ELAPOR2: variants seen among roughly 807,000 people sequenced by gnomAD.
ELAPOR2 encodes the protein endosome-lysosome associated apoptosis and autophagy regulator family member 2.
A neutral mutation model predicts 120.7 loss-of-function variants in ELAPOR2; 89 were observed. The ratio of observed to expected loss-of-function variants is 0.74; its 90% CI spans 0.62 to 0.88. The LOEUF is 0.88. ELAPOR2 is among the 40% of genes least tolerant of loss of function. The probability of loss-of-function intolerance (pLI) is 0.00; values close to 1 mark genes in which losing one functional copy is unlikely to be tolerated. For synonymous variants in ELAPOR2, 444 were observed against 444.9 expected (o/e 1.00, Z 0.03); for missense variants, 1,134 against 1,251.6 (o/e 0.91, Z 1.42).
chr7:86,909,676 T>A, intron 16 of ELAPOR2, 136 bp downstream of exon 16: 1 of 714,500 alleles, frequency 1.4e-6, no homozygotes, highest in Non-Finnish European at 2.2e-6. Context: ...TTTTTAACCA[T>A]CTTACAAAGT....
chr7:86,967,788 C>A (rs1021443835), intron 1 of ELAPOR2, among the ~76,000 whole-genome samples: 2 of 152,200 alleles, frequency 1.3e-5, no homozygotes, highest in Non-Finnish European at 2.9e-5. Context: ...TCTGCCTTCT[C>A]TAGATTACTC....
chr7:87,010,075 G>T (rs1793606231), intron 1 of ELAPOR2, among the ~76,000 whole-genome samples: 1 of 152,134 alleles, frequency 6.6e-6, no homozygotes, highest in Non-Finnish European at 1.5e-5. Flanking sequence ...TAAAATCTGT[G>T]CCTGTGGCTA....
intron 8 of ELAPOR2, among the ~76,000 whole-genome samples, chr7:86,933,116 T>C (rs1790403095): frequency 6.6e-6 from 1 of 151,682 alleles, no homozygotes; most frequent in Non-Finnish European, 1.5e-5. Context: ...CAAATATGTA[T>C]ATAAATATAT....
At chr7:86,911,344 A>C (rs1015651416) in intron 15 of ELAPOR2, among the ~76,000 whole-genome samples, 2 of 152,110 alleles carry the variant, frequency 1.3e-5, no homozygotes, top group African/African-American at 4.8e-5. Context: ...TGGTCATCAG[A>C]TCTCTTTTTG....
intron 1 of ELAPOR2, among the ~76,000 whole-genome samples, chr7:86,991,141 C>A (rs1309734825): frequency 6.6e-6 from 1 of 152,154 alleles, no homozygotes; most frequent in Admixed American, 6.5e-5. Flanking sequence ...ATGAGCACTA[C>A]AGGTAAGATA....
intron 21 of ELAPOR2, among the ~76,000 whole-genome samples, chr7:86,885,631 G>A (rs1799653474): frequency 6.6e-6 from 1 of 152,130 alleles, no homozygotes; most frequent in African/African-American, 2.4e-5. Context: ...AAAACCTGGA[G>A]AGGGTTTCTT....
intron 15 of ELAPOR2, chr7:86,911,813 G>T (rs565176686): frequency 1.8e-4 from 105 of 570,286 alleles, no homozygotes; most frequent in East Asian, 5.6e-4. Context: ...CATCCTCAAA[G>T]CACTTACACC....
intron 1 of ELAPOR2, among the ~76,000 whole-genome samples, chr7:86,974,851 C>T (rs1415827219): frequency 6.6e-6 from 1 of 152,026 alleles, no homozygotes; most frequent in Non-Finnish European, 1.5e-5. Flanking sequence ...CAAATGGTAC[C>T]ACTGAAGGAT....
intron 1 of ELAPOR2, among the ~76,000 whole-genome samples, chr7:86,999,204 G>A (rs1177864744): frequency 6.6e-6 from 1 of 152,056 alleles, no homozygotes; most frequent in East Asian, 1.9e-4. Context: ...GCATTTTCTA[G>A]TGGGCTACAT....
intron 18 of ELAPOR2, 97 bp from the exon 19 acceptor site, chr7:86,897,729 G>C: frequency 7.2e-7 from 1 of 1,388,306 alleles, no homozygotes; most frequent in Non-Finnish European, 9.9e-7. Flanking sequence ...ACATGCTGGG[G>C]AGCACTGTGT....
chr7:86,981,968 T>C (rs1054663638), intron 1 of ELAPOR2, among the ~76,000 whole-genome samples: 5 of 152,224 alleles, frequency 3.3e-5, no homozygotes, highest in African/African-American at 1.2e-4. Flanking sequence ...ATACTGCGCT[T>C]TCCCAATGGT....
chr7:87,052,836 AC>A lies in ELAPOR2; in HGVS notation c.189+6488del. ...GTTTGAGACAGGGTCTTGCTCTGTC[AC>A]CCAGACTGGAGTGCAGTGGCACAAT... is the stretch of plus-strand genomic sequence containing the variant. On this transcript the variant is annotated intron_variant, in intron 1 of 21. Transcript: ENST00000450689. Among the ~76,000 whole-genome samples the A allele has an allele frequency of 2.0e-5, 3 of 150,002 alleles. No individual in the cohort carries two copies. In the East Asian group the frequency reaches 5.8e-4, roughly 29 times the overall value.
chr7:86,877,430 G>A lies in ELAPOR2; in HGVS notation c.*3041C>T, dbSNP rs1006426798. 6.6e-6 allele frequency: 1 copy of A among 152,132 alleles called. No homozygotes were observed. The highest frequency in any genetic ancestry group is 6.6e-5 in the Admixed American group (1 of 15,262). The allele number at this position is 152,132 out of a possible 1,614,324, so 9.4% of individuals were successfully genotyped here. A position where few individuals can be genotyped will look rare whatever the true frequency, so the allele number is the denominator to read the frequency against. On this transcript the variant is annotated 3_prime_UTR_variant, in exon 22 of 22. Coordinates refer to ENST00000450689, the MANE Select transcript of ELAPOR2 (RefSeq NM_001142749.3). The stretch of plus-strand genomic sequence containing the variant: ...TCATGATTACTATAAATAGATATGA[G>A]GGAGGTTTAGTTTCTCTGAAGATCA...
At position 86,944,886 on chromosome 7, in the gene ELAPOR2, CA is replaced by C; in HGVS notation, c.654+12del. The C allele has an allele frequency of 6.5e-7, 1 of 1,528,554 alleles. No individual in the cohort carries two copies. The highest frequency in any genetic ancestry group is 2.5e-5 in the East Asian group (1 of 40,350). 94.7% of individuals were successfully genotyped at this position (1,528,554 alleles called of 1,614,324 possible). On this transcript the variant is annotated intron_variant, in intron 4 of 21. Coordinates refer to ENST00000450689, the MANE Select transcript of ELAPOR2 (RefSeq NM_001142749.3). ...CCCTTAAAAAGTAAATTCCAGAATA[CA>C]AAAGGTCTTACAAAGAACTCAAAGA...
At chr7:86,905,073 AGG>A (rs1788914830) in intron 18 of ELAPOR2, among the ~76,000 whole-genome samples, 1 of 52,078 alleles carries the variant, frequency 1.9e-5, no homozygotes, top group African/African-American at 1.1e-4. Flanking sequence ...GAGAGAGAGA[AGG>A]AAGGAAGGAA....
rs1239404752 is a variant in ELAPOR2 at position 87,059,460 on chromosome 7, C to T, written c.54G>A (p.Ala18=). Residue 18 remains alanine (A), a synonymous_variant, in exon 1 of 22, where the codon GCG becomes GCA. Transcript: ENST00000450689. The part of the protein sequence containing the change: ...PVRGRGWGRP[A]EAPRRGRSPP... The stretch of plus-strand genomic sequence containing the variant: ...GCGAGCGCCCGCGGCGGGGAGCCTC[C>T]GCCGGCCGCCCCCAGCCCCTGCCCC... 7.4e-6 allele frequency: 9 copies of T among 1,221,332 alleles called. No individual in the cohort carries two copies. Among genetic ancestry groups the T allele is most frequent in the Non-Finnish European group, 8.2e-6 (8 of 979,246 alleles). The allele number at this position is 1,221,332 out of a possible 1,614,324, so 75.7% of individuals were successfully genotyped here.
intron 10 of ELAPOR2, among the ~76,000 whole-genome samples, chr7:86,922,523 G>A (rs138387571): frequency 9.3e-4 from 141 of 151,526 alleles, no homozygotes; most frequent in Non-Finnish European, 1.8e-3. Context: ...TTCTTTCAAC[G>A]CATACATGTT....
intron 1 of ELAPOR2, among the ~76,000 whole-genome samples, chr7:87,043,542 C>T: frequency 6.7e-6 from 1 of 149,790 alleles, no homozygotes; most frequent in Non-Finnish European, 1.5e-5. Flanking sequence ...GCAGAAAAAG[C>T]CTTTGACAAA....
chr7:86,883,064 A>G (rs965962320), intron 21 of ELAPOR2, among the ~76,000 whole-genome samples: 22 of 128,724 alleles, frequency 1.7e-4, no homozygotes, highest in African/African-American at 6.6e-4. Context: ...GTGTGTGTGA[A>G]AGACATGTGT....
Sources: allele counts gnomAD v4.1 joint callset (sites outside exome capture counted in the v4.1 genomes callset), GRCh38; gene constraint gnomAD v4.1.1; transcripts MANE v1.5; gene names NCBI Gene and HGNC (gene_info 2026-07-23, HGNC 2026-07-21).